AKAP12: variants seen among roughly 807,000 people sequenced by gnomAD.
The protein encoded by AKAP12 is A-kinase anchoring protein 12, also known as A-kinase anchor protein 12.
AKAP12 carries 32 observed loss-of-function variants against 79.9 expected under a neutral mutation model. That is an observed-to-expected ratio of 0.40 (90% CI 0.30 to 0.54). The LOEUF (loss-of-function observed/expected upper bound fraction) is 0.54, where lower values mean the gene tolerates loss of function less well. AKAP12 is among the 20% of genes least tolerant of loss of function. AKAP12 has a pLI of 0.48. For missense variants in AKAP12, 2,074 were observed against 2,177.0 expected, an observed-to-expected ratio of 0.95 and a Z score of 0.94; for synonymous variants, 808 against 857.0, an observed-to-expected ratio of 0.94 and a Z score of 1.00.
At chr6:151,297,277 A>G (rs1036311197) in intron 2 of AKAP12, among the ~76,000 whole-genome samples, 45 of 151,910 alleles carry the variant, frequency 3.0e-4, no homozygotes, top group Admixed American at 1.0e-3. Flanking sequence ...GAACCTCAGG[A>G]AAAAAAGGGC....
chr6:151,322,024 T>C (rs902228921), intron 3 of AKAP12, among the ~76,000 whole-genome samples: 12 of 151,338 alleles, frequency 7.9e-5, no homozygotes, highest in African/African-American at 2.2e-4. Flanking sequence ...ATTCTTGTGC[T>C]TCAGCCTCCT....
At position 151,352,439 on chromosome 6, in the gene AKAP12, C is replaced by T; in HGVS notation, c.4048C>T (p.Pro1350Ser). ...QVEREKTEAE[P>S]THVNEEKLEH... ...CGAAAGGGAGAAAACAGAAGCAGAGCCAACCCATGTGAATGAAGAGAAGCT... is the reference window on the plus strand; with the variant it reads ...CGAAAGGGAGAAAACAGAAGCAGAGTCAACCCATGTGAATGAAGAGAAGCT... Residue 1350 changes from proline to serine, a missense_variant, in exon 4 of 5, where the codon CCA becomes TCA. Transcript: ENST00000402676. The T allele has an allele frequency of 2.5e-6, 4 of 1,614,132 alleles. No homozygotes were observed. The highest frequency in any genetic ancestry group is 2.7e-5 in the African/African-American group (2 of 75,026).
intron 3 of AKAP12, among the ~76,000 whole-genome samples, chr6:151,312,123 A>G (rs1349657312): frequency 6.6e-6 from 1 of 152,148 alleles, no homozygotes; most frequent in Non-Finnish European, 1.5e-5. Flanking sequence ...TCTCTACACC[A>G]GTTGTTAACA....
rs71922297 is a variant in AKAP12 at position 151,327,118 on chromosome 6, AT to A, written c.319+21231del. ...ACGTGAGCCACCGCACCTGGCCTAC[AT>A]TTTTTTTTTTTTTTTAATCAACTGT... is the stretch of plus-strand genomic sequence containing the variant. On this transcript the variant is annotated intron_variant, in intron 3 of 4. Transcript: ENST00000402676. Among the ~76,000 whole-genome samples, 771 of 140,958 alleles carry A rather than the reference AT, an allele frequency of 5.5e-3. 3 individuals are homozygous for A. The highest frequency in any genetic ancestry group is 0.011 in the Middle Eastern group (3 of 270). 92.5% of individuals were successfully genotyped at this position (140,958 alleles called of 152,430 possible).
chr6:151,287,747 A>G (rs60823458), intron 2 of AKAP12, among the ~76,000 whole-genome samples: 53,489 of 152,046 alleles, frequency 0.35, 9,815 homozygotes, highest in East Asian at 0.61. Context: ...TCATTCTACT[A>G]TAAAGACACA....
rs117394496 is a variant in AKAP12 at position 151,311,095 on chromosome 6, G to A, written c.319+5192G>A. Among the ~76,000 whole-genome samples, 71 of 152,264 alleles carry A rather than the reference G, an allele frequency of 4.7e-4. No individual in the cohort carries two copies. The East Asian group carries it at 0.013, about 27-fold the overall frequency. On this transcript the variant is annotated intron_variant, in intron 3 of 4. Coordinates refer to ENST00000402676, the MANE Select transcript of AKAP12 (RefSeq NM_005100.4). ...TGATCCTCCTGGCTCAGCCTTCCCA[G>A]TAGTTAAGACTAGAGGCATGTGCCA...
Position 151,351,716 on chromosome 6 carries a change from G to T in AKAP12, c.3325G>T (p.Gly1109Trp). The T allele has an allele frequency of 1.2e-6, 2 of 1,614,170 alleles. No individual in the cohort carries two copies. The highest frequency in any genetic ancestry group is 2.2e-5 in the South Asian group (2 of 91,066). Residue 1109 changes from glycine (G) to tryptophan (W), a missense_variant, in exon 4 of 5, where the codon GGG becomes TGG. By Grantham distance (184) the Gly-to-Trp change is radical. This residue lies in a region of AKAP12 where 1,428 missense variants were observed against 1,451.0 expected (regional missense o/e 0.98). Transcript: ENST00000402676. This position sits in a 1 kb window ranked among gnomAD's most constrained non-coding sequence, Gnocchi z 4.4. ...QEAKTEPFTQ[G>W]KVVGQTTPES... The stretch of plus-strand genomic sequence containing the variant: ...GGCAAAAACTGAGCCTTTTACACAA[G>T]GGAAGGTGGTGGGGCAGACCACCCC...
chr6:151,264,032 A>C (rs968621070), intron 2 of AKAP12, among the ~76,000 whole-genome samples: 15 of 152,048 alleles, frequency 9.9e-5, no homozygotes, highest in African/African-American at 3.1e-4. Flanking sequence ...GTCTGTTCTC[A>C]TCCCTGTCAA....
chr6:151,296,631 G>A (rs1056528928), intron 2 of AKAP12, among the ~76,000 whole-genome samples: 1 of 152,134 alleles, frequency 6.6e-6, no homozygotes, highest in Non-Finnish European at 1.5e-5. Context: ...ACAAAAATTA[G>A]CCGAGTGTGG....
chr6:151,324,252 G>A (rs1777467406), intron 3 of AKAP12: 1 of 985,440 alleles, frequency 1.0e-6, no homozygotes, highest in South Asian at 4.7e-5. Flanking sequence ...GTCAGGACAA[G>A]GCCCATCATT....
chr6:151,259,507 TATATACACACAC>T (rs1446983763), intron 2 of AKAP12, among the ~76,000 whole-genome samples: 41 of 122,492 alleles, frequency 3.3e-4, no homozygotes, highest in African/African-American at 1.3e-3. Context: ...CATGTATATA[TATATACACACAC>T]ACACACACAC....
rs1562756772 is a variant in AKAP12 at position 151,353,259 on chromosome 6, T to C, written c.4868T>C (p.Val1623Ala). ...AAAGAGGAGTCAGAGTCAACCGCAG[T>C]GGGACAAGCACATTCTGATATTTCC... is the stretch of plus-strand genomic sequence containing the variant. ...SAKEESESTA[V>A]GQAHSDISKD... Residue 1623 changes from valine (V) to alanine (A), a missense_variant, in exon 4 of 5, where the codon GTG (valine) becomes GCG (alanine). This residue lies in a region of AKAP12 where 614 missense variants were observed against 665.6 expected (regional missense o/e 0.92). Coordinates refer to ENST00000402676, the MANE Select transcript of AKAP12 (RefSeq NM_005100.4). The C allele has an allele frequency of 6.2e-7, 1 of 1,614,102 alleles. No individual in the cohort carries two copies. Among genetic ancestry groups the C allele is most frequent in the East Asian group, 2.2e-5 (1 of 44,874 alleles).
chr6:151,351,982 G>C lies in AKAP12; in HGVS notation c.3591G>C (p.Glu1197Asp), dbSNP rs1453380585. The C allele has an allele frequency of 6.2e-7, 1 of 1,614,156 alleles. No individual in the cohort carries two copies. Among genetic ancestry groups the C allele is most frequent in the Admixed American group, 1.7e-5 (1 of 60,012 alleles). The change falls in exon 4 of 5, where the codon GAG becomes GAC. Residue 1197 changes from glutamate (E) to aspartate (D), a missense_variant. By Grantham distance (45) the Glu-to-Asp change is conservative. Transcript: ENST00000402676. This position sits in a 1 kb window ranked among gnomAD's most constrained non-coding sequence, Gnocchi z 4.4. ...QKDEIVEIHEENEVASGTQSG... is the reference protein window; with the variant it reads ...QKDEIVEIHEDNEVASGTQSG... The stretch of plus-strand genomic sequence containing the variant: ...ACGAGATTGTGGAAATCCATGAGGA[G>C]AATGAGGTCGCATCTGGTACCCAGT...
rs1162906149 is a variant in AKAP12 at position 151,350,165 on chromosome 6, G to T, written c.1774G>T (p.Ala592Ser). The T allele has an allele frequency of 1.2e-6, 2 of 1,613,874 alleles. No homozygotes were observed. Among genetic ancestry groups the T allele is most frequent in the African/African-American group, 2.7e-5 (2 of 74,886 alleles). Residue 592 changes from alanine (A) to serine (S), a missense_variant, in exon 4 of 5, where the codon GCT (alanine) becomes TCT (serine). Coordinates refer to ENST00000402676, the MANE Select transcript of AKAP12 (RefSeq NM_005100.4). This position sits in a 1 kb window ranked among gnomAD's most constrained non-coding sequence, Gnocchi z 4.8. The part of the protein sequence containing the change: ...GLAEVQQDGE[A>S]EEGATSDGEK... ...AGCCGAGGTGCAGCAGGATGGGGAA[G>T]CTGAAGAAGGAGCTACTTCCGATGG...
At chr6:151,332,788 C>T (rs892264366) in intron 3 of AKAP12, among the ~76,000 whole-genome samples, 3 of 152,126 alleles carry the variant, frequency 2.0e-5, no homozygotes, top group African/African-American at 2.4e-5. Context: ...GGGGACACAC[C>T]GACCACTCCC....
chr6:151,318,875 T>C (rs2114774781), intron 3 of AKAP12, among the ~76,000 whole-genome samples: 1 of 152,280 alleles, frequency 6.6e-6, no homozygotes, highest in African/African-American at 2.4e-5. Flanking sequence ...CCCAGGAGGT[T>C]GAGGTTACAA....
chr6:151,354,993 C>G lies in AKAP12; in HGVS notation c.*13-734C>G, dbSNP rs371124602. ...ACTGTGCTCAACCCATCTTCGTTTT[C>G]TTTTGTTTTGTTTTGTTTTTGAGAC... On this transcript the variant is annotated intron_variant, in intron 4 of 4. Transcript: ENST00000402676. Among the ~76,000 whole-genome samples the G allele has an allele frequency of 1.3e-3, 202 of 151,662 alleles. 1 individual carries two copies. The highest frequency in any genetic ancestry group is 4.4e-3 in the African/African-American group (184 of 41,394).
chr6:151,345,936 A>T lies in AKAP12; in HGVS notation c.320-2775A>T, dbSNP rs201087282. ...GTGTGTGTGTGTGTGTGTGTGTGAG[A>T]GAGAGAGAGAGAGAGAGAGAGAGAG... On this transcript the variant is annotated intron_variant, in intron 3 of 4. Coordinates refer to ENST00000402676, the MANE Select transcript of AKAP12 (RefSeq NM_005100.4). Among the ~76,000 whole-genome samples the T allele has an allele frequency of 5.0e-3, 632 of 126,790 alleles. 1 individual carries two copies. Among genetic ancestry groups the T allele is most frequent in the South Asian group, 0.011 (39 of 3,502 alleles). 83.2% of individuals were successfully genotyped at this position (126,790 alleles called of 152,430 possible). A position where few individuals can be genotyped will look rare whatever the true frequency, so the allele number is the denominator to read the frequency against.
At chr6:151,285,988 C>A (rs1192945288) in intron 2 of AKAP12, among the ~76,000 whole-genome samples, 1 of 151,570 alleles carries the variant, frequency 6.6e-6, no homozygotes, top group African/African-American at 2.4e-5. Flanking sequence ...AGCGATTCTT[C>A]TGCCTCAGCC....
Sources: allele counts gnomAD v4.1 joint callset (sites outside exome capture counted in the v4.1 genomes callset), GRCh38; gene constraint gnomAD v4.1.1; regional missense constraint gnomAD v4.1.1; non-coding constraint Gnocchi (gnomAD v3.1); transcripts MANE v1.5; gene names NCBI Gene and HGNC (gene_info 2026-07-23, HGNC 2026-07-21).